Variants in CHKA observed in about 807,000 individuals in gnomAD.
The protein encoded by CHKA is choline kinase alpha.
CHKA carries 34 observed loss-of-function variants against 60.1 expected under a neutral mutation model. That is an observed-to-expected ratio of 0.57 (90% CI 0.43 to 0.75). CHKA has a LOEUF of 0.75. Among genes scored for constraint, CHKA ranks in the 30% least tolerant of loss-of-function variants. The pLI, the probability that CHKA is intolerant of heterozygous loss-of-function variation, is 0.00. For missense variants in CHKA, 563 were observed against 561.3 expected, an observed-to-expected ratio of 1.00 and a Z score of -0.03; for synonymous variants, 217 against 223.1, an observed-to-expected ratio of 0.97 and a Z score of 0.24.
chr11:68,121,197 A>T lies in CHKA; in HGVS notation c.-20T>A. On this transcript the variant is annotated 5_prime_UTR_variant, in exon 1 of 12. Coordinates refer to ENST00000265689, the MANE Select transcript of CHKA (RefSeq NM_001277.3). ...TTTCATGCCCGACAGGCGGCCGAGG[A>T]GGCGCGGGCGGCCGCAGCGCGAGAG... 1 of 1,157,486 alleles carries T rather than the reference A, an allele frequency of 8.6e-7. No individual in the cohort carries two copies. The highest frequency in any genetic ancestry group is 1.1e-6 in the Non-Finnish European group (1 of 939,098). The allele number at this position is 1,157,486 out of a possible 1,614,324, so 71.7% of individuals were successfully genotyped here.
At position 68,054,055 on chromosome 11, in the gene CHKA, A is replaced by G. The variant is rs1295956040; in HGVS notation, c.1315-8T>C. ...CCTTGCTTGGGCGTAGTCCTAGGAG[A>G]CAGCAAAGAGAAGGCCTCAGCAAGG... is the stretch of plus-strand genomic sequence containing the variant. On this transcript the variant is annotated splice_polypyrimidine_tract_variant and splice_region_variant and intron_variant, in intron 11 of 11. Transcript: ENST00000265689. The G allele has an allele frequency of 3.1e-6, 5 of 1,611,458 alleles. No individual in the cohort carries two copies. Among genetic ancestry groups the G allele is most frequent in the Non-Finnish European group, 4.2e-6 (5 of 1,178,550 alleles).
intron 1 of CHKA, among the ~76,000 whole-genome samples, chr11:68,109,859 T>A (rs1446206823): frequency 6.6e-6 from 1 of 151,996 alleles, no homozygotes; most frequent in Non-Finnish European, 1.5e-5. Context: ...GACTGAGGCA[T>A]GAGAATTGCT....
chr11:68,093,715 A>G (rs1857419663), intron 2 of CHKA, among the ~76,000 whole-genome samples: 2 of 152,228 alleles, frequency 1.3e-5, no homozygotes, highest in Admixed American at 1.3e-4. Flanking sequence ...TATTAGAGGA[A>G]GGCTAATTGC....
chr11:68,065,365 AT>A (rs1231094914), intron 9 of CHKA, among the ~76,000 whole-genome samples: 1 of 152,196 alleles, frequency 6.6e-6, no homozygotes, highest in Non-Finnish European at 1.5e-5. Context: ...ACAAAATAAC[AT>A]TTTTTAACAT....
intron 1 of CHKA, among the ~76,000 whole-genome samples, chr11:68,107,263 T>C (rs933249449): frequency 2.1e-4 from 31 of 150,694 alleles, no homozygotes; most frequent in African/African-American, 7.4e-4. Flanking sequence ...AAAAAAAAAA[T>C]GTTCAAACAT....
chr11:68,072,550 T>TAAAAA (rs10708078), intron 4 of CHKA, among the ~76,000 whole-genome samples: 2 of 112,748 alleles, frequency 1.8e-5, no homozygotes, highest in Admixed American at 9.6e-5. Flanking sequence ...GACCCTATCT[T>TAAAAA]AAAAAAAAAA....
intron 1 of CHKA, among the ~76,000 whole-genome samples, chr11:68,109,911 C>G (rs1021315095): frequency 1.3e-5 from 2 of 152,038 alleles, no homozygotes; most frequent in Non-Finnish European, 2.9e-5. Context: ...GAGGTCACGC[C>G]ACTGCACTCC....
chr11:68,102,099 CAAAAAAAAAAAAA>C (rs375553566), intron 1 of CHKA, among the ~76,000 whole-genome samples: 18,499 of 94,036 alleles, frequency 0.2, 1,351 homozygotes, highest in Non-Finnish European at 0.24. Flanking sequence ...GACTCTGTCT[CAAAAAAAAAAAAA>C]GAAAAAAAAA....
intron 10 of CHKA, among the ~76,000 whole-genome samples, chr11:68,062,525 A>C (rs1856287443): frequency 6.6e-6 from 1 of 152,220 alleles, no homozygotes; most frequent in Non-Finnish European, 1.5e-5. Context: ...GTCACACAGA[A>C]GTGAAAAGAG....
At chr11:68,081,612 A>C (rs1286260902) in intron 2 of CHKA, 155 bp from the exon 3 acceptor site, 1 of 600,966 alleles carries the variant, frequency 1.7e-6, no homozygotes. Context: ...CATCTAATGC[A>C]CCAGCAGCCT....
intron 1 of CHKA, among the ~76,000 whole-genome samples, chr11:68,099,846 T>C (rs1000437562): frequency 6.6e-6 from 1 of 152,180 alleles, no homozygotes; most frequent in Non-Finnish European, 1.5e-5. Context: ...TGTAACCTGA[T>C]TCAAAGTTTA....
chr11:68,097,838 A>G (rs1035729078), intron 1 of CHKA, among the ~76,000 whole-genome samples: 4 of 152,042 alleles, frequency 2.6e-5, no homozygotes, highest in Non-Finnish European at 5.9e-5. Context: ...AGACCTCAAT[A>G]CTCTAATCAC....
intron 11 of CHKA, among the ~76,000 whole-genome samples, chr11:68,057,358 C>T (rs1162618651): frequency 3.9e-5 from 6 of 152,034 alleles, no homozygotes; most frequent in Non-Finnish European, 8.8e-5. Context: ...CTCATTCTGT[C>T]GCCCAGGCCA....
At chr11:68,120,046 T>G (rs565920077) in intron 1 of CHKA, among the ~76,000 whole-genome samples, 2 of 152,078 alleles carry the variant, frequency 1.3e-5, no homozygotes, top group African/African-American at 4.8e-5. Context: ...CTAACGAACA[T>G]GGAGAAACCT....
intron 11 of CHKA, among the ~76,000 whole-genome samples, chr11:68,060,813 T>G (rs113248947): frequency 2.4e-4 from 36 of 152,316 alleles, no homozygotes; most frequent in African/African-American, 8.4e-4. Flanking sequence ...CATTTGACCA[T>G]GACTCAAATC....
At chr11:68,105,116 A>G (rs1857864842) in intron 1 of CHKA, among the ~76,000 whole-genome samples, 1 of 151,914 alleles carries the variant, frequency 6.6e-6, no homozygotes, top group African/African-American at 2.4e-5. Context: ...AAAAAAAAAG[A>G]GATTATTTAA....
intron 2 of CHKA, among the ~76,000 whole-genome samples, chr11:68,082,673 G>C (rs1857022531): frequency 6.6e-6 from 1 of 152,136 alleles, no homozygotes; most frequent in African/African-American, 2.4e-5. Context: ...TGCATGTTTT[G>C]TATAAACAGT....
chr11:68,089,007 A>T (rs1465894373), intron 2 of CHKA, among the ~76,000 whole-genome samples: 1 of 152,244 alleles, frequency 6.6e-6, no homozygotes, highest in Non-Finnish European at 1.5e-5. Context: ...TAGTCTCTAG[A>T]GTGTCTTCAA....
intron 1 of CHKA, among the ~76,000 whole-genome samples, chr11:68,103,523 G>A (rs1462635809): frequency 1.3e-5 from 2 of 152,014 alleles, no homozygotes; most frequent in African/African-American, 4.8e-5. Flanking sequence ...ATGTAAGTTA[G>A]TACAGATATG....
Sources: gnomAD v4.1 joint callset for allele counts (sites outside exome capture counted in the v4.1 genomes callset) on GRCh38, gnomAD v4.1.1 for gene constraint, MANE v1.5 for transcripts, NCBI Gene and HGNC (gene_info 2026-07-23, HGNC 2026-07-21) for gene names.